The following TESPA1 variants were observed in gnomAD, a reference collection of about 807,000 sequenced individuals.
The protein encoded by TESPA1 is protein TESPA1.
In TESPA1, 33 loss-of-function variants were observed where a neutral mutation model predicts 57.9. The observed-to-expected ratio is 0.57, with a 90% confidence interval of 0.43 to 0.76. The LOEUF is 0.76. Ranked by LOEUF, TESPA1 falls within the 30% of genes least tolerant of loss-of-function variation. TESPA1 has a pLI of 0.00. For missense variants in TESPA1, 618 were observed against 632.9 expected (o/e 0.98, Z 0.25); for synonymous variants, 227 against 228.9 (o/e 0.99, Z 0.07).
At chr12:54,958,130 G>C (rs978708829) in intron 10 of TESPA1, among the ~76,000 whole-genome samples, 1 of 152,188 alleles carries the variant, frequency 6.6e-6, no homozygotes, top group Non-Finnish European at 1.5e-5. Flanking sequence ...AGGTTTGTGA[G>C]AGGAACTTGT....
chr12:54,968,587 C>A (rs897790501), intron 3 of TESPA1, among the ~76,000 whole-genome samples: 18 of 152,178 alleles, frequency 1.2e-4, no homozygotes. Flanking sequence ...ATGTGATCAG[C>A]ACATCCAGAT....
rs1407775970 is a variant in TESPA1 at position 54,949,472 on chromosome 12, T to G, written c.*920A>C. 6.6e-6 allele frequency: 1 copy of G among 151,958 alleles called. No individual in the cohort carries two copies. The highest frequency in any genetic ancestry group is 1.5e-5 in the Non-Finnish European group (1 of 67,990). The allele number at this position is 151,958 out of a possible 1,614,324, so 9.4% of individuals were successfully genotyped here. ...GTGCATCTTACTTCTCCCATTCTAT[T>G]AATATTAATATTTTCTCAGGGGAGA... On this transcript the variant is annotated 3_prime_UTR_variant, in exon 11 of 11. Transcript: ENST00000449076.
Position 54,962,986 on chromosome 12 carries a change from G to A in TESPA1, c.912C>T (p.His304=), listed in dbSNP as rs1427366223. 5 of 1,613,322 alleles carry A rather than the reference G, an allele frequency of 3.1e-6. No individual in the cohort carries two copies. The change falls in exon 9 of 11, where the codon CAC becomes CAT. Residue 304 remains histidine, a synonymous_variant. Coordinates refer to ENST00000449076, the MANE Select transcript of TESPA1 (RefSeq NM_001136030.3). Reference sequence around the variant, plus strand: ...CCAAACTGTTCCTTTTGGGGGTGTTGTGGGGTGGTGGTGGCCGGTCTCGGG... The same window carrying A: ...CCAAACTGTTCCTTTTGGGGGTGTTATGGGGTGGTGGTGGCCGGTCTCGGG... The part of the protein sequence containing the change: ...TCPRDRPPPP[H]NTPKRNSLDQ...
At chr12:54,984,939 A>G (rs1015656960), upstream of TESPA1, among the ~76,000 whole-genome samples, 11 of 152,188 alleles carry the variant, frequency 7.2e-5, no homozygotes, top group African/African-American at 1.9e-4. Context: ...CCAGAAAAAC[A>G]GGAGATCTTT....
intron 1 of TESPA1, among the ~76,000 whole-genome samples, chr12:54,978,150 G>A (rs1952199354): frequency 6.6e-6 from 1 of 152,118 alleles, no homozygotes. Flanking sequence ...GTAGGTCTTG[G>A]GGCCCCTTGT....
intron 7 of TESPA1, among the ~76,000 whole-genome samples, chr12:54,965,342 C>A (rs536888560): frequency 6.6e-6 from 1 of 152,262 alleles, no homozygotes; most frequent in Non-Finnish European, 1.5e-5. Context: ...TGGTCTCCCT[C>A]CTCTCACCCC....
chr12:54,983,087 C>G (rs1423434666), intron 1 of TESPA1, among the ~76,000 whole-genome samples: 1 of 152,126 alleles, frequency 6.6e-6, no homozygotes, highest in Non-Finnish European at 1.5e-5. Context: ...CAGAAGGAAT[C>G]TTGTAAGTCA....
chr12:54,965,498 AT>A (rs1951369622), intron 7 of TESPA1, among the ~76,000 whole-genome samples: 1 of 152,082 alleles, frequency 6.6e-6, no homozygotes, highest in Non-Finnish European at 1.5e-5. Flanking sequence ...TTCCAGCTCT[AT>A]CCATGTCCCT....
intron 1 of TESPA1, among the ~76,000 whole-genome samples, chr12:54,977,374 A>G (rs1231737233): frequency 6.6e-6 from 1 of 152,194 alleles, no homozygotes. Context: ...GCTGGTAACT[A>G]TGTGCTTACT....
chr12:54,951,034 C>T (rs1019618807), intron 10 of TESPA1, among the ~76,000 whole-genome samples: 16 of 152,082 alleles, frequency 1.1e-4, no homozygotes, highest in Non-Finnish European at 2.1e-4. Context: ...TGAATCTCAT[C>T]TCATCCCAGT....
chr12:54,970,105 GT>G (rs919748882), intron 3 of TESPA1, among the ~76,000 whole-genome samples: 45 of 150,928 alleles, frequency 3.0e-4, no homozygotes, highest in Non-Finnish European at 5.0e-4. Context: ...AAAAACTGTT[GT>G]TTTTTTTTCC....
intron 2 of TESPA1, 139 bp from the exon 3 acceptor site, chr12:54,973,658 G>A (rs1951986006): frequency 1.3e-6 from 2 of 1,500,960 alleles, no homozygotes; most frequent in Non-Finnish European, 1.8e-6. Flanking sequence ...TTTTCTTTAA[G>A]ATATGAGAGG....
intron 3 of TESPA1, among the ~76,000 whole-genome samples, chr12:54,972,912 C>T (rs543863307): frequency 2.0e-5 from 3 of 152,292 alleles, no homozygotes; most frequent in South Asian, 4.1e-4. Context: ...TCTGGGTATA[C>T]TGAGCCTAAG....
chr12:54,979,333 C>A (rs2136210555), intron 1 of TESPA1, among the ~76,000 whole-genome samples: 1 of 152,278 alleles, frequency 6.6e-6, no homozygotes, highest in Admixed American at 6.5e-5. Context: ...ATTTAGTCTT[C>A]TCTATGAGGA....
chr12:54,961,410 T>C (rs1951066395), intron 9 of TESPA1, 143 bp from the exon 10 acceptor site: 1 of 816,948 alleles, frequency 1.2e-6, no homozygotes. Context: ...GACACAGTAA[T>C]GAGGAAGGCA....
chr12:54,967,292 C>T, intron 4 of TESPA1, 56 bp from the exon 5 acceptor site: 1 of 1,574,770 alleles, frequency 6.4e-7, no homozygotes, highest in Non-Finnish European at 8.7e-7. Context: ...TATACACATG[C>T]ACATGCACAC....
rs765902141 is a variant in TESPA1 at position 54,961,241 on chromosome 12, C to G, written c.1494G>C (p.Gln498His). ...GTCTGCTGGGCCAGCGACTCTGACT[C>G]TGCTCCTCCTCACTGTTGCTTTGCA... Reference protein sequence around the residue: ...EEVQSNSEEEQSQSRWPSRPR... With the variant: ...EEVQSNSEEEHSQSRWPSRPR... The change falls in exon 10 of 11, where the codon CAG (glutamine) becomes CAC (histidine). Residue 498 changes from glutamine to histidine, a missense_variant. Gln to His is a conservative substitution (Grantham distance 24). Around this residue, in one of 3 missense-constraint regions of TESPA1, gnomAD observed 409 missense variants for 420.1 expected, o/e 0.97. Coordinates refer to ENST00000449076, the MANE Select transcript of TESPA1 (RefSeq NM_001136030.3). The G allele has an allele frequency of 1.9e-6, 3 of 1,613,986 alleles. No individual in the cohort carries two copies. Among genetic ancestry groups the G allele is most frequent in the South Asian group, 1.1e-5 (1 of 91,086 alleles).
chr12:54,967,951 T>G (rs1951551523), intron 3 of TESPA1, 59 bp from the exon 4 acceptor site: 1 of 1,610,040 alleles, frequency 6.2e-7, no homozygotes, highest in South Asian at 1.1e-5. Flanking sequence ...AAGGAGCTTT[T>G]TCATGGAAAA....
intron 10 of TESPA1, among the ~76,000 whole-genome samples, chr12:54,956,201 TG>T (rs1428855894): frequency 6.6e-6 from 1 of 152,164 alleles, no homozygotes; most frequent in Non-Finnish European, 1.5e-5. Context: ...ACCCACCATT[TG>T]GGGGTATCTC....
Sources: allele counts gnomAD v4.1 joint callset (sites outside exome capture counted in the v4.1 genomes callset), GRCh38; gene constraint gnomAD v4.1.1; regional missense constraint gnomAD v4.1.1; transcripts MANE v1.5; gene names NCBI Gene and HGNC (gene_info 2026-07-23, HGNC 2026-07-21).